Variants in RALA observed in about 807,000 individuals in gnomAD.
The protein encoded by RALA is ras-related protein Ral-A.
RALA carries 5 observed loss-of-function variants against 24.0 expected under a neutral mutation model. The observed-to-expected ratio is 0.21, with a 90% CI of 0.11 to 0.44. The LOEUF (loss-of-function observed/expected upper bound fraction) is 0.44, where lower values mean the gene tolerates loss of function less well. RALA is among the 20% of genes least tolerant of loss of function. The probability of loss-of-function intolerance (pLI) is 0.99; values close to 1 mark genes in which losing one functional copy is unlikely to be tolerated. For missense variants in RALA, 95 were observed against 241.2 expected (o/e 0.39, Z 4.01); for synonymous variants, 77 against 83.8 (o/e 0.92, Z 0.44).
intron 1 of RALA, among the ~76,000 whole-genome samples, chr7:39,639,607 CTTTCTGAGCACTT>C (rs1791745588): frequency 6.6e-6 from 1 of 152,178 alleles, no homozygotes; most frequent in Non-Finnish European, 1.5e-5. Context: ...ATATGGCAGG[CTTTCTGAGCACTT>C]TTATATCATA....
At chr7:39,683,480 C>G (rs1330666826) in intron 1 of RALA, among the ~76,000 whole-genome samples, 2 of 152,178 alleles carry the variant, frequency 1.3e-5, no homozygotes, top group Admixed American at 6.5e-5. Flanking sequence ...GCACTTAGCA[C>G]TAATGGTATT....
At chr7:39,642,078 A>G (rs1791827486) in intron 1 of RALA, among the ~76,000 whole-genome samples, 1 of 152,214 alleles carries the variant, frequency 6.6e-6, no homozygotes, top group Non-Finnish European at 1.5e-5. Context: ...GAGACTAAAG[A>G]TCACCTCTAC....
At chr7:39,659,509 G>A (rs1792149489) in intron 1 of RALA, among the ~76,000 whole-genome samples, 1 of 152,088 alleles carries the variant, frequency 6.6e-6, no homozygotes, top group South Asian at 2.1e-4. Flanking sequence ...TAACAGTAGT[G>A]AGCAGGCTGT....
intron 1 of RALA, among the ~76,000 whole-genome samples, chr7:39,674,348 G>A (rs1333593161): frequency 2.0e-5 from 3 of 152,114 alleles, no homozygotes; most frequent in Non-Finnish European, 4.4e-5. Flanking sequence ...AACCTGTAGA[G>A]ATACTCATAT....
intron 3 of RALA, 88 bp downstream of exon 3, chr7:39,690,678 T>C: frequency 9.6e-7 from 1 of 1,037,286 alleles, no homozygotes; most frequent in South Asian, 1.7e-5. Context: ...GGTTCTAACT[T>C]GTTAGTCTTT....
chr7:39,707,560 A>G lies in RALA; in HGVS notation c.*1315A>G, dbSNP rs974337942. ...CCTGCTGGAAGAATTCTAGCATGCT[A>G]CTTGGGGACATAATTTCAGTGGGAA... On this transcript the variant is annotated 3_prime_UTR_variant, in exon 5 of 5. Coordinates refer to ENST00000005257, the MANE Select transcript of RALA (RefSeq NM_005402.4). The G allele has an allele frequency of 6.6e-6, 1 of 151,858 alleles. No individual in the cohort carries two copies. Among genetic ancestry groups the G allele is most frequent in the Admixed American group, 6.6e-5 (1 of 15,262 alleles). 9.4% of individuals were successfully genotyped at this position (151,858 alleles called of 1,614,324 possible).
chr7:39,668,449 G>A (rs187109128), intron 1 of RALA, among the ~76,000 whole-genome samples: 75 of 152,268 alleles, frequency 4.9e-4, no homozygotes, highest in African/African-American at 1.5e-3. Flanking sequence ...TAATTGCTTT[G>A]TGTCTACAGG....
intron 1 of RALA, among the ~76,000 whole-genome samples, chr7:39,635,898 G>C (rs1791678152): frequency 6.6e-6 from 1 of 152,182 alleles, no homozygotes; most frequent in African/African-American, 2.4e-5. Flanking sequence ...AGGGGTTGGG[G>C]AGCCTGCTCT....
At chr7:39,643,200 T>C (rs960808627) in intron 1 of RALA, among the ~76,000 whole-genome samples, 3 of 152,218 alleles carry the variant, frequency 2.0e-5, no homozygotes, top group Non-Finnish European at 1.5e-5. Context: ...AAGAACACCT[T>C]TGAGCATCCA....
rs1429205471 is a variant in RALA, at chr7:39,691,003, GC to G, written c.323+415del. Among the ~76,000 whole-genome samples, 10 of 152,292 alleles carry G rather than the reference GC, an allele frequency of 6.6e-5. 1 individual carries two copies. In the South Asian group the frequency reaches 1.7e-3, roughly 25 times the overall value. ...CTATGTAATGCTCAGTAGGCACGTT[GC>G]CATCCTCCTCAAAATATAGATGCCC... On this transcript the variant is annotated intron_variant, in intron 3 of 4. Coordinates refer to ENST00000005257, the MANE Select transcript of RALA (RefSeq NM_005402.4).
intron 1 of RALA, among the ~76,000 whole-genome samples, chr7:39,673,136 C>T (rs6462940): frequency 0.31 from 47,259 of 151,768 alleles, 8,142 homozygotes; most frequent in Non-Finnish European, 0.4. Context: ...TGCAGTGAGC[C>T]GAGATCGTGC....
intron 1 of RALA, among the ~76,000 whole-genome samples, chr7:39,683,667 C>G (rs184973381): frequency 6.6e-6 from 1 of 152,240 alleles, no homozygotes; most frequent in Admixed American, 6.5e-5. Flanking sequence ...TGGATAGCCT[C>G]TTAATAGTCT....
intron 1 of RALA, among the ~76,000 whole-genome samples, chr7:39,632,980 T>C (rs540774104): frequency 6.6e-5 from 10 of 152,292 alleles, no homozygotes; most frequent in Non-Finnish European, 1.5e-4. Flanking sequence ...GTTTTCTTGC[T>C]TCTCTACACA....
At chr7:39,654,567 T>C (rs1057499022) in intron 1 of RALA, among the ~76,000 whole-genome samples, 2 of 152,220 alleles carry the variant, frequency 1.3e-5, no homozygotes, top group Admixed American at 6.5e-5. Context: ...AACTTATCAA[T>C]TTCATAGATT....
intron 1 of RALA, among the ~76,000 whole-genome samples, chr7:39,634,384 T>A (rs1468309049): frequency 6.6e-6 from 1 of 152,226 alleles, no homozygotes; most frequent in Non-Finnish European, 1.5e-5. Flanking sequence ...TTGAAGATCC[T>A]CAGATCTTGT....
intron 4 of RALA, chr7:39,700,555 T>A (rs995579240): frequency 6.6e-6 from 1 of 152,296 alleles, no homozygotes; most frequent in Non-Finnish European, 1.5e-5. Context: ...TACGGCCTTT[T>A]ATGACATAGT....
intron 1 of RALA, among the ~76,000 whole-genome samples, chr7:39,655,818 A>G (rs77080065): frequency 0.015 from 2,270 of 152,244 alleles, 41 homozygotes; most frequent in African/African-American, 0.05. Flanking sequence ...ATTTTCCACA[A>G]TTATATTATT....
intron 2 of RALA, among the ~76,000 whole-genome samples, chr7:39,689,376 A>G (rs941226019): frequency 3.3e-5 from 5 of 152,216 alleles, no homozygotes; most frequent in African/African-American, 1.2e-4. Context: ...TACAGTTACA[A>G]ATACACTGTG....
intron 3 of RALA, among the ~76,000 whole-genome samples, chr7:39,692,702 T>A (rs188202218): frequency 6.6e-6 from 1 of 152,266 alleles, no homozygotes; most frequent in Admixed American, 6.5e-5. Flanking sequence ...ACACTATGCT[T>A]TTTCAGTATT....
Sources: gnomAD v4.1 joint callset for allele counts (sites outside exome capture counted in the v4.1 genomes callset) on GRCh38, gnomAD v4.1.1 for gene constraint, MANE v1.5 for transcripts, NCBI Gene and HGNC (gene_info 2026-07-23, HGNC 2026-07-21) for gene names.